Variants in BNIPL observed in about 807,000 individuals in gnomAD.
The protein encoded by BNIPL is bcl-2/adenovirus E1B 19 kDa-interacting protein 2-like protein.
A neutral mutation model predicts 47.0 loss-of-function variants in BNIPL; 33 were observed. The observed-to-expected ratio is 0.70, with a 90% CI of 0.53 to 0.94. BNIPL has a LOEUF of 0.94. BNIPL is among the 40% of genes least tolerant of loss of function. The pLI, the probability that BNIPL is intolerant of heterozygous loss-of-function variation, is 0.00. For missense variants in BNIPL, 404 were observed against 445.2 expected, an observed-to-expected ratio of 0.91 and a Z score of 0.83; for synonymous variants, 145 against 162.7, an observed-to-expected ratio of 0.89 and a Z score of 0.83.
chr1:151,042,878 C>A (rs1291652238), intron 4 of BNIPL, 78 bp from the exon 5 acceptor site: 2 of 1,144,440 alleles, frequency 1.7e-6, no homozygotes, highest in South Asian at 1.7e-5. Flanking sequence ...GAGTAACAAA[C>A]TAGGAATCTG....
chr1:151,042,131 A>G (rs1675845205), intron 4 of BNIPL, among the ~76,000 whole-genome samples: 1 of 152,022 alleles, frequency 6.6e-6, no homozygotes, highest in African/African-American at 2.4e-5. Context: ...CACCCAGGCT[A>G]GAGTGCAGTG....
In BNIPL at chr1:151,043,675, C is replaced by T. The variant is rs777968629; in HGVS notation, c.799C>T (p.Gln267Ter). Reference protein sequence around the residue: ...VHLSGGTSRAQVPPLSWIRQC... With the variant: ...VHLSGGTSRA ...TTTGAGTGGAGGCACAAGCAGGGCCCAAGTTCCACCTCTAAGCTGGATACG... is the reference window on the plus strand; with the variant it reads ...TTTGAGTGGAGGCACAAGCAGGGCCTAAGTTCCACCTCTAAGCTGGATACG... Residue 267 changes from glutamine to a stop codon, truncating the protein, a stop_gained, in exon 7 of 10, where the codon CAA becomes TAA. Transcript: ENST00000368931. LOFTEE classifies it high-confidence loss of function. 2.5e-6 allele frequency: 4 copies of T among 1,613,898 alleles called. No homozygotes were observed. Among genetic ancestry groups the T allele is most frequent in the Non-Finnish European group, 2.5e-6 (3 of 1,179,782 alleles).
At chr1:151,046,257 G>A (rs587723008) in intron 9 of BNIPL, 92 bp downstream of exon 9, 128 of 1,521,576 alleles carry the variant, frequency 8.4e-5, no homozygotes, top group Non-Finnish European at 8.0e-5. Context: ...ACAAAAGAAC[G>A]AAAAGCTAGA....
At chr1:151,039,842 CT>C (rs1201612354) in intron 4 of BNIPL, among the ~76,000 whole-genome samples, 1 of 152,156 alleles carries the variant, frequency 6.6e-6, no homozygotes, top group Non-Finnish European at 1.5e-5. Context: ...CGTCTGCTTC[CT>C]GGGTTCAAGT....
intron 7 of BNIPL, chr1:151,044,902 A>G: frequency 3.9e-6 from 5 of 1,289,766 alleles, no homozygotes; most frequent in Non-Finnish European, 5.1e-6. Flanking sequence ...AATCTTGGTC[A>G]TGGAGCGATG....
At chr1:151,045,011 T>A in intron 7 of BNIPL, 1 of 1,206,606 alleles carries the variant, frequency 8.3e-7, no homozygotes, top group South Asian at 1.3e-5. Context: ...ACGTCTGTAA[T>A]CCCAGCACTT....
Position 151,036,745 on chromosome 1 carries a change from C to T in BNIPL, c.20C>T (p.Ala7Val). 3 of 1,611,590 alleles carry T rather than the reference C, an allele frequency of 1.9e-6. No individual in the cohort carries two copies. The African/African-American group carries it at 4.0e-5, about 22-fold the overall frequency. Reference protein sequence around the residue: MGTIQEAGKKTDVGVRE... With the variant: MGTIQEVGKKTDVGVRE... ...GTGAAGATGGGAACTATACAAGAGGCAGGAAAAAAGACAGATGTTGGGTAA... is the reference window on the plus strand; with the variant it reads ...GTGAAGATGGGAACTATACAAGAGGTAGGAAAAAAGACAGATGTTGGGTAA... Residue 7 changes from alanine to valine, a missense_variant, in exon 1 of 10, where the codon GCA becomes GTA. By Grantham distance (64) the Ala-to-Val change is moderately conservative. Transcript: ENST00000368931.
intron 7 of BNIPL, chr1:151,045,554 G>A (rs370560593): frequency 9.8e-5 from 38 of 387,984 alleles, no homozygotes; most frequent in African/African-American, 5.5e-4. Flanking sequence ...GTGAGACTCC[G>A]TCTCAAAAAA....
intron 3 of BNIPL, 112 bp from the exon 4 acceptor site, chr1:151,038,684 G>A: frequency 1.9e-6 from 3 of 1,570,250 alleles, no homozygotes; most frequent in Admixed American, 3.8e-5. Flanking sequence ...CCCTGCGTGA[G>A]TCCTTCTTCA....
At chr1:151,038,745 G>A in intron 3 of BNIPL, 51 bp from the exon 4 acceptor site, 1 of 1,551,968 alleles carries the variant, frequency 6.4e-7, no homozygotes, top group Non-Finnish European at 8.7e-7. Flanking sequence ...AGCCCTCTCG[G>A]CTCTCCAACA....
In BNIPL at chr1:151,043,350, T is replaced by C; in HGVS notation, c.635T>C (p.Leu212Pro). The C allele has an allele frequency of 6.2e-7, 1 of 1,609,862 alleles. No individual in the cohort carries two copies. The highest frequency in any genetic ancestry group is 8.5e-7 in the Non-Finnish European group (1 of 1,176,072). ...TCTCCAGGTTACCACGGTGATGGCC[T>C]CAATGCTGTCATCCTTTTTGCTTCC... ...LSHGGYHGDGLNAVILFASCY... is the reference protein window; with the variant it reads ...LSHGGYHGDGPNAVILFASCY... The change falls in exon 6 of 10, where the codon CTC becomes CCC. Residue 212 changes from leucine to proline, a missense_variant. By Grantham distance (98) the Leu-to-Pro change is moderately conservative. Coordinates refer to ENST00000368931, the MANE Select transcript of BNIPL (RefSeq NM_138278.4).
intron 7 of BNIPL, 47 bp from the exon 8 acceptor site, chr1:151,045,750 A>T (rs1558103613): frequency 2.5e-6 from 4 of 1,613,636 alleles, no homozygotes; most frequent in Non-Finnish European, 2.5e-6. Flanking sequence ...TGATCTTCAC[A>T]CATAAAGGTG....
chr1:151,037,257 GGTCTAGCTGGGTT>G (rs1675643522), intron 1 of BNIPL: 1 of 913,444 alleles, frequency 1.1e-6, no homozygotes, highest in Non-Finnish European at 1.4e-6. Context: ...TAGCTGGGTG[GGTCTAGCTGGGTT>G]CCAGCCACTT....
chr1:151,046,984 G>T lies in BNIPL; in HGVS notation c.*297G>T, dbSNP rs1363556682. On this transcript the variant is annotated 3_prime_UTR_variant, in exon 10 of 10. Coordinates refer to ENST00000368931, the MANE Select transcript of BNIPL (RefSeq NM_138278.4). ...TTTTTTGTTTTTTGTTTTTTGAGAC[G>T]GAGTCTCGCTCTGTCGCCAGGCTGG... 1 of 247,856 alleles carries T rather than the reference G, an allele frequency of 4.0e-6. No individual in the cohort carries two copies. Among genetic ancestry groups the T allele is most frequent in the South Asian group, 8.7e-5 (1 of 11,542 alleles). The allele number at this position is 247,856 out of a possible 1,614,324, so 15.4% of individuals were successfully genotyped here. A position where few individuals can be genotyped will look rare whatever the true frequency, so the allele number is the denominator to read the frequency against.
chr1:151,036,833 A>C, intron 1 of BNIPL, 67 bp downstream of exon 1: 1 of 1,470,968 alleles, frequency 6.8e-7, no homozygotes, highest in Non-Finnish European at 9.5e-7. Flanking sequence ...CTTCCCCACC[A>C]CCCAGCTCTT....
chr1:151,045,668 C>G (rs1455126195), intron 7 of BNIPL, 129 bp from the exon 8 acceptor site: 1 of 1,499,344 alleles, frequency 6.7e-7, no homozygotes, highest in African/African-American at 1.4e-5. Flanking sequence ...GGGGATTAGA[C>G]CCAAGTACCA....
chr1:151,046,375 A>C (rs1358523589), intron 9 of BNIPL, among the ~76,000 whole-genome samples: 1 of 151,020 alleles, frequency 6.6e-6, no homozygotes, highest in Non-Finnish European at 1.5e-5. Context: ...AAAAAAAAAA[A>C]CCTATACATA....
chr1:151,044,290 A>G (rs1675931381), intron 7 of BNIPL, among the ~76,000 whole-genome samples: 1 of 152,034 alleles, frequency 6.6e-6, no homozygotes, highest in Non-Finnish European at 1.5e-5. Context: ...CGGCCACTTC[A>G]GCTTCTTTAT....
chr1:151,046,536 C>T lies in BNIPL; in HGVS notation c.1038-115C>T, dbSNP rs961013845. Reference sequence around the variant, plus strand: ...AGGGAGCAAAAGTGCTAAATGATGACTCAACCCAATCATCTAGCTCTTCCA... The same window carrying T: ...AGGGAGCAAAAGTGCTAAATGATGATTCAACCCAATCATCTAGCTCTTCCA... On this transcript the variant is annotated intron_variant, in intron 9 of 9. Coordinates refer to ENST00000368931, the MANE Select transcript of BNIPL (RefSeq NM_138278.4). The T allele has an allele frequency of 3.1e-6, 3 of 965,850 alleles. No homozygotes were observed. The African/African-American group carries it at 5.0e-5, about 16-fold the overall frequency. The allele number at this position is 965,850 out of a possible 1,614,324, so 59.8% of individuals were successfully genotyped here.
Sources: gnomAD v4.1 joint callset for allele counts (sites outside exome capture counted in the v4.1 genomes callset) on GRCh38, gnomAD v4.1.1 for gene constraint, MANE v1.5 for transcripts, NCBI Gene and HGNC (gene_info 2026-07-23, HGNC 2026-07-21) for gene names.